The following ALK variants were observed in gnomAD, a reference collection of about 807,000 sequenced individuals.
ALK encodes the protein ALK tyrosine kinase receptor.
In ALK, 74 loss-of-function variants were observed where a neutral mutation model predicts 163.1. That is an observed-to-expected ratio of 0.45 (90% CI 0.38 to 0.55). The LOEUF (loss-of-function observed/expected upper bound fraction) is 0.55. ALK is among the 20% of genes least tolerant of loss of function. The pLI, the probability that ALK is intolerant of heterozygous loss-of-function variation, is 0.00. For synonymous variants in ALK, 960 were observed against 843.2 expected (o/e 1.14, Z -2.40); for missense variants, 2,063 against 2,105.3 (o/e 0.98, Z 0.39).
intron 4 of ALK, among the ~76,000 whole-genome samples, chr2:29,394,506 C>T (rs1669256429): frequency 6.6e-6 from 1 of 152,136 alleles, no homozygotes; most frequent in African/African-American, 2.4e-5. Flanking sequence ...GGGGAGGGAC[C>T]CAGCTGAATT....
intron 3 of ALK, among the ~76,000 whole-genome samples, chr2:29,591,603 G>A (rs966055784): frequency 2.4e-4 from 37 of 152,278 alleles, no homozygotes; most frequent in Admixed American, 9.2e-4. Context: ...AATAAACATA[G>A]AGCTCTAAGA....
rs1669645596 is a variant in ALK at position 29,408,461 on chromosome 2, G to A, written c.1155-24602C>T. On this transcript the variant is annotated intron_variant, in intron 4 of 28. Transcript: ENST00000389048. ...GACCATGAGGGGTAACAAGCCCGATGGAGCTCAGGATAGGAGCCAGTGGGC... is the reference window on the plus strand; with the variant it reads ...GACCATGAGGGGTAACAAGCCCGATAGAGCTCAGGATAGGAGCCAGTGGGC... Among the ~76,000 whole-genome samples the A allele has an allele frequency of 2.6e-5, 4 of 152,104 alleles. No individual in the cohort carries two copies. In the South Asian group the frequency reaches 8.3e-4, roughly 32 times the overall value.
At chr2:29,864,161 G>C (rs554590409) in intron 1 of ALK, among the ~76,000 whole-genome samples, 2 of 152,300 alleles carry the variant, frequency 1.3e-5, no homozygotes, top group East Asian at 3.9e-4. Flanking sequence ...ATTCAATCCA[G>C]AACTGTCTGA....
At chr2:29,550,844 T>C (rs1176116466) in intron 3 of ALK, among the ~76,000 whole-genome samples, 1 of 152,208 alleles carries the variant, frequency 6.6e-6, no homozygotes, top group Non-Finnish European at 1.5e-5. Context: ...ACCACCTGCA[T>C]AGGATTTTAA....
chr2:29,254,752 AC>A (rs1664910079), intron 11 of ALK, among the ~76,000 whole-genome samples: 1 of 152,222 alleles, frequency 6.6e-6, no homozygotes, highest in African/African-American at 2.4e-5. Context: ...CACAATGACT[AC>A]AGTTTAAAAC....
At chr2:29,771,594 T>A (rs552566436) in intron 1 of ALK, among the ~76,000 whole-genome samples, 1 of 151,640 alleles carries the variant, frequency 6.6e-6, no homozygotes, top group Middle Eastern at 3.2e-3. Flanking sequence ...GAGTGCAGTG[T>A]CACGATCTCG....
At chr2:29,504,905 G>A (rs1282080356) in intron 4 of ALK, among the ~76,000 whole-genome samples, 4 of 152,140 alleles carry the variant, frequency 2.6e-5, no homozygotes, top group African/African-American at 4.8e-5. Context: ...CCACTTTGAC[G>A]GCTGGGTAGA....
intron 11 of ALK, among the ~76,000 whole-genome samples, chr2:29,265,076 G>C (rs928361591): frequency 6.6e-6 from 1 of 152,066 alleles, no homozygotes; most frequent in Non-Finnish European, 1.5e-5. Flanking sequence ...CTGGAGTACA[G>C]TGGTGAGATC....
At chr2:29,674,524 A>C (rs7585919) in intron 3 of ALK, among the ~76,000 whole-genome samples, 124,875 of 146,010 alleles carry the variant, frequency 0.86, 53,744 homozygotes, top group African/African-American at 0.94. Flanking sequence ...AGGGATGAAG[A>C]CCATTTGATC....
chr2:29,750,052 C>T (rs896283530), intron 1 of ALK, among the ~76,000 whole-genome samples: 4 of 152,204 alleles, frequency 2.6e-5, no homozygotes, highest in African/African-American at 9.7e-5. Flanking sequence ...AGGCAGCAGG[C>T]AGAGAACAGC....
intron 4 of ALK, among the ~76,000 whole-genome samples, chr2:29,525,064 C>T (rs1672921579): frequency 6.6e-6 from 1 of 152,216 alleles, no homozygotes; most frequent in Admixed American, 6.5e-5. Context: ...TCTCATTCCC[C>T]TGTGGCTTTG....
chr2:29,339,561 T>C (rs1262296195), intron 5 of ALK, among the ~76,000 whole-genome samples: 1 of 152,134 alleles, frequency 6.6e-6, no homozygotes. Flanking sequence ...ATCTAAGTCT[T>C]TAGAAAGATC....
intron 19 of ALK, among the ~76,000 whole-genome samples, chr2:29,225,118 G>A (rs866476205): frequency 3.3e-5 from 5 of 152,176 alleles, no homozygotes; most frequent in East Asian, 1.9e-4. Context: ...GAGCTGCGCC[G>A]GTGGAAGCAT....
intron 3 of ALK, among the ~76,000 whole-genome samples, chr2:29,657,391 G>T (rs116274087): frequency 0.011 from 1,620 of 151,552 alleles, 27 homozygotes; most frequent in African/African-American, 0.037. Context: ...TGTAAAATGG[G>T]GACAGCATAG....
At chr2:29,900,251 T>C (rs1437482895) in intron 1 of ALK, among the ~76,000 whole-genome samples, 1 of 152,206 alleles carries the variant, frequency 6.6e-6, no homozygotes, top group Non-Finnish European at 1.5e-5. Flanking sequence ...GAGTAGAGAA[T>C]CTGCATGGGG....
rs2148247961 is a variant in ALK at position 29,318,312 on chromosome 2, G to C, written c.1639C>G (p.Pro547Ala). ...ATFPAPIKSS[P>A]CELRMSWLIR... ...GAAACAAGGAGACTTGCCTCACATG[G>C]AGAGCTCTTGATCGGTGCAGGAAAC... Residue 547 changes from proline (P) to alanine (A), a missense_variant, in exon 8 of 29, where the codon CCA (proline) becomes GCA (alanine). Physicochemically the swap from Pro to Ala is conservative, Grantham distance 27. Coordinates refer to ENST00000389048, the MANE Select transcript of ALK (RefSeq NM_004304.5). 6.2e-7 allele frequency: 1 copy of C among 1,612,552 alleles called. No individual in the cohort carries two copies. Among genetic ancestry groups the C allele is most frequent in the Non-Finnish European group, 8.5e-7 (1 of 1,178,568 alleles).
chr2:29,652,417 A>G (rs768889929), intron 3 of ALK, among the ~76,000 whole-genome samples: 1 of 152,206 alleles, frequency 6.6e-6, no homozygotes, highest in Non-Finnish European at 1.5e-5. Flanking sequence ...ATGCTTTTCC[A>G]TAATGAAAGT....
chr2:29,423,778 T>G (rs1401942320), intron 4 of ALK, among the ~76,000 whole-genome samples: 1 of 152,200 alleles, frequency 6.6e-6, no homozygotes, highest in Non-Finnish European at 1.5e-5. Context: ...TGGCTGCATT[T>G]ACCTTATATA....
intron 8 of ALK, among the ~76,000 whole-genome samples, chr2:29,299,032 G>A (rs1666286987): frequency 6.6e-6 from 1 of 152,162 alleles, no homozygotes; most frequent in South Asian, 2.1e-4. Context: ...CCATTCAGAT[G>A]CTCACATCTT....
Sources: allele counts gnomAD v4.1 joint callset (sites outside exome capture counted in the v4.1 genomes callset), GRCh38; gene constraint gnomAD v4.1.1; transcripts MANE v1.5; gene names NCBI Gene and HGNC (gene_info 2026-07-23, HGNC 2026-07-21).